Variants in GRB14 observed in about 807,000 individuals in gnomAD.
GRB14 encodes the protein growth factor receptor bound protein 14, also known as growth factor receptor-bound protein 14.
GRB14 carries 38 observed loss-of-function variants against 69.1 expected under a neutral mutation model. That is an observed-to-expected ratio of 0.55 (90% CI 0.42 to 0.72). The LOEUF is 0.72. Ranked by LOEUF, GRB14 falls within the 30% of genes least tolerant of loss-of-function variation. The pLI is 0.00. For missense variants in GRB14, 666 were observed against 666.1 expected (o/e 1.00, Z 0.00); for synonymous variants, 247 against 241.3 (o/e 1.02, Z -0.22).
intron 2 of GRB14, among the ~76,000 whole-genome samples, chr2:164,602,515 G>A (rs1376812829): frequency 2.0e-5 from 3 of 152,098 alleles, no homozygotes; most frequent in Non-Finnish European, 4.4e-5. Context: ...TACTTCATAA[G>A]AAAGCATTAT....
At chr2:164,545,236 C>A (rs1421617973) in intron 3 of GRB14, among the ~76,000 whole-genome samples, 1 of 152,118 alleles carries the variant, frequency 6.6e-6, no homozygotes. Flanking sequence ...ACATATAATG[C>A]AATGAAGTTT....
rs1441062210 is a variant in GRB14, at chr2:164,547,769, T to TA, written c.371dup (p.Pro125ThrfsTer3). The TA allele has an allele frequency of 6.2e-7, 1 of 1,613,892 alleles. No individual in the cohort carries two copies. Among genetic ancestry groups the TA allele is most frequent in the Non-Finnish European group, 8.5e-7 (1 of 1,179,808 alleles). On this transcript the variant is annotated frameshift_variant, in exon 3 of 14. Transcript: ENST00000263915. LOFTEE classifies it high-confidence loss of function. The stretch of plus-strand genomic sequence containing the variant: ...CATCTCGAGCCGTTATGTCACTGGG[T>TA]ACATCTAAAGCCCTGCTGGTTTCAT...
At chr2:164,613,453 A>G (rs1690213672) in intron 2 of GRB14, among the ~76,000 whole-genome samples, 2 of 152,052 alleles carry the variant, frequency 1.3e-5, no homozygotes, top group Non-Finnish European at 2.9e-5. Context: ...CTGGACTAAC[A>G]TACCTCTCCA....
At chr2:164,564,819 T>C (rs1688929431) in intron 2 of GRB14, among the ~76,000 whole-genome samples, 2 of 152,056 alleles carry the variant, frequency 1.3e-5, no homozygotes, top group Non-Finnish European at 2.9e-5. Flanking sequence ...ATGGAGACCA[T>C]CATGGCTAAC....
intron 12 of GRB14, among the ~76,000 whole-genome samples, chr2:164,495,833 C>A (rs566783506): frequency 6.6e-6 from 1 of 152,312 alleles, no homozygotes; most frequent in Admixed American, 6.5e-5. Context: ...CACTTGGCAC[C>A]ATCACATCTC....
At position 164,503,442 on chromosome 2, in the gene GRB14, CAAAAAAAAAAAAAAA is replaced by C. The variant is rs148268784; in HGVS notation, c.1024-1122_1024-1108del. Among the ~76,000 whole-genome samples, 295 of 92,250 alleles carry C rather than the reference CAAAAAAAAAAAAAAA, an allele frequency of 3.2e-3. 3 individuals carry two copies. The highest frequency in any genetic ancestry group is 0.017 in the African/African-American group (262 of 15,630). 60.5% of individuals were successfully genotyped at this position (92,250 alleles called of 152,430 possible). A position where few individuals can be genotyped will look rare whatever the true frequency, so the allele number is the denominator to read the frequency against. On this transcript the variant is annotated intron_variant, in intron 8 of 13. Transcript: ENST00000263915. ...ACAATGGGTATATTTGGTAATTAGG[CAAAAAAAAAAAAAAA>C]AAAAAAAAAAAAAAAAAAATCAGAG...
At chr2:164,603,865 A>G (rs1558880073) in intron 2 of GRB14, among the ~76,000 whole-genome samples, 1 of 152,198 alleles carries the variant, frequency 6.6e-6, no homozygotes. Context: ...TTACAGTTGC[A>G]AAAAGATAGC....
Position 164,497,459 on chromosome 2 carries a change from A to ATTGCTACCAGGACT in GRB14, c.1135_1136insAGTCCTGGTAGCAA (p.Met379LysfsTer4). 1 of 1,612,370 alleles carries ATTGCTACCAGGACT rather than the reference A, an allele frequency of 6.2e-7. No individual in the cohort carries two copies. The highest frequency in any genetic ancestry group is 1.3e-5 in the African/African-American group (1 of 75,018). Reference sequence around the variant, plus strand: ...TCTGCTTTTCTGGCCTGAGAAGTCCATTGCTACCAGGGAATTCTCTGATAT... The same window carrying ATTGCTACCAGGACT: ...TCTGCTTTTCTGGCCTGAGAAGTCCATTGCTACCAGGACTTTGCTACCAGGGAATTCTCTGATAT... On this transcript the variant is annotated stop_gained and frameshift_variant, in exon 10 of 14. Transcript: ENST00000263915. LOFTEE classifies it high-confidence loss of function.
chr2:164,566,083 C>G (rs7564873), intron 2 of GRB14, among the ~76,000 whole-genome samples: 16 of 152,046 alleles, frequency 1.1e-4, no homozygotes, highest in African/African-American at 3.6e-4. Context: ...AACTTTACAC[C>G]AAACCTGTGG....
chr2:164,583,592 C>CA (rs903281889), intron 2 of GRB14, among the ~76,000 whole-genome samples: 4 of 150,422 alleles, frequency 2.7e-5, no homozygotes, highest in Admixed American at 6.6e-5. Flanking sequence ...GAGTAACTAC[C>CA]AAAAAAAATC....
chr2:164,540,473 GT>G (rs1276776595), intron 3 of GRB14, among the ~76,000 whole-genome samples: 1 of 152,094 alleles, frequency 6.6e-6, no homozygotes, highest in Non-Finnish European at 1.5e-5. Flanking sequence ...GCTGGGTGTG[GT>G]GTCAGGCTCC....
At chr2:164,526,360 A>G (rs777530301) in intron 4 of GRB14, among the ~76,000 whole-genome samples, 4 of 152,068 alleles carry the variant, frequency 2.6e-5, no homozygotes, top group Admixed American at 6.6e-5. Flanking sequence ...ACTTTTCTAG[A>G]TCCCTAGTCT....
At chr2:164,554,775 A>G (rs1688637085) in intron 2 of GRB14, among the ~76,000 whole-genome samples, 1 of 152,132 alleles carries the variant, frequency 6.6e-6, no homozygotes, top group Admixed American at 6.6e-5. Flanking sequence ...CTATCAAGGC[A>G]TGTTTATACA....
chr2:164,505,661 A>G (rs1687169685), intron 8 of GRB14, among the ~76,000 whole-genome samples: 1 of 152,212 alleles, frequency 6.6e-6, no homozygotes, highest in Non-Finnish European at 1.5e-5. Context: ...GTATATACTT[A>G]ATGCATATAT....
chr2:164,493,989 A>C (rs1340235641), intron 13 of GRB14, among the ~76,000 whole-genome samples: 2 of 152,156 alleles, frequency 1.3e-5, no homozygotes, highest in East Asian at 3.8e-4. Flanking sequence ...TGTGTTCAGA[A>C]GTCTTCACCA....
intron 6 of GRB14, among the ~76,000 whole-genome samples, chr2:164,521,055 T>C (rs1687620700): frequency 6.6e-6 from 1 of 152,144 alleles, no homozygotes; most frequent in Non-Finnish European, 1.5e-5. Context: ...TACTTGCACA[T>C]GCAAGTTTAT....
At chr2:164,574,138 A>G in intron 2 of GRB14, 2 of 655,330 alleles carry the variant, frequency 3.1e-6, no homozygotes, top group Admixed American at 5.0e-5. Context: ...AGTAAATGAC[A>G]TAGAGTCAGT....
intron 2 of GRB14, among the ~76,000 whole-genome samples, chr2:164,591,570 G>T (rs1225213018): frequency 2.0e-5 from 3 of 152,066 alleles, no homozygotes; most frequent in African/African-American, 7.2e-5. Flanking sequence ...TCAGAGTACA[G>T]GTCTAGGGAG....
intron 2 of GRB14, among the ~76,000 whole-genome samples, chr2:164,600,770 T>G (rs1001133892): frequency 6.6e-6 from 1 of 152,190 alleles, no homozygotes; most frequent in Non-Finnish European, 1.5e-5. Context: ...TTAATTTCTT[T>G]TTTTAAATGG....
Sources: gnomAD v4.1 joint callset for allele counts (sites outside exome capture counted in the v4.1 genomes callset) on GRCh38, gnomAD v4.1.1 for gene constraint, MANE v1.5 for transcripts, NCBI Gene and HGNC (gene_info 2026-07-23, HGNC 2026-07-21) for gene names.